SORL1: variants seen among roughly 807,000 people sequenced by gnomAD.
The protein encoded by SORL1 is sortilin related receptor 1.
Under a neutral mutation model 273.7 loss-of-function variants are expected in SORL1, and 127 were observed. The ratio of observed to expected loss-of-function variants is 0.46; its 90% CI spans 0.40 to 0.54. The LOEUF (loss-of-function observed/expected upper bound fraction) is 0.54, where lower values mean the gene tolerates loss of function less well. Ranked by LOEUF, SORL1 falls within the 20% of genes least tolerant of loss-of-function variation. The pLI is 0.00. For missense variants in SORL1, 2,494 were observed against 2,846.1 expected, an observed-to-expected ratio of 0.88 and a Z score of 2.81; for synonymous variants, 1,031 against 1,067.4, an observed-to-expected ratio of 0.97 and a Z score of 0.66.
intron 5 of SORL1, among the ~76,000 whole-genome samples, chr11:121,490,889 A>G (rs1861543206): frequency 2.0e-5 from 3 of 152,236 alleles, no homozygotes; most frequent in Admixed American, 1.3e-4. Context: ...AAGACATTTC[A>G]GGTACGTAAC....
Position 121,577,331 on chromosome 11 carries a change from A to G in SORL1, c.3511A>G (p.Ile1171Val), listed in dbSNP as rs796969055. ...DEYNCSSGMC[I>V]RSSWVCDGDN... ...GTACAACTGCAGTTCCGGCATGTGC[A>G]TCCGCTCCTCCTGGGTATGTGACGG... The change falls in exon 25 of 48, where the codon ATC (isoleucine) becomes GTC (valine). Residue 1171 changes from isoleucine (I) to valine (V), a missense_variant. Around this residue, in one of 3 missense-constraint regions of SORL1, gnomAD observed 1,609 missense variants for 1,816.4 expected, o/e 0.89. Transcript: ENST00000260197. 6.2e-6 allele frequency: 10 copies of G among 1,613,614 alleles called. No individual in the cohort carries two copies. The African/African-American group carries it at 1.3e-4, about 22-fold the overall frequency.
In SORL1 at chr11:121,596,868, T is replaced by G. The variant is rs527261553; in HGVS notation, c.4519+1096T>G. On this transcript the variant is annotated intron_variant, in intron 32 of 47. Coordinates refer to ENST00000260197, the MANE Select transcript of SORL1 (RefSeq NM_003105.6). The surrounding 1 kb of genome is among the most constrained non-coding windows in gnomAD (Gnocchi z 4.3). ...TTAAAATAATGACTTCCTCAACCAA[T>G]GAAAAACTGAGCCTCACTTGGAATC... is the stretch of plus-strand genomic sequence containing the variant. Among the ~76,000 whole-genome samples the G allele has an allele frequency of 5.1e-4, 78 of 152,154 alleles. 2 individuals carry two copies. In the South Asian group the frequency reaches 0.015, roughly 30 times the overall value.
At chr11:121,615,678 G>T (rs1863629538) in intron 41 of SORL1, among the ~76,000 whole-genome samples, 1 of 152,116 alleles carries the variant, frequency 6.6e-6, no homozygotes, top group Non-Finnish European at 1.5e-5. Flanking sequence ...CCTAGGTCTG[G>T]TCTTCTGAGG....
intron 6 of SORL1, among the ~76,000 whole-genome samples, chr11:121,509,485 A>AT (rs1296406362): frequency 1.3e-5 from 2 of 151,858 alleles, no homozygotes; most frequent in Non-Finnish European, 2.9e-5. Context: ...TTAATTATTT[A>AT]TTTTTTTTCT....
intron 14 of SORL1, among the ~76,000 whole-genome samples, chr11:121,547,319 A>T (rs1591321276): frequency 7.7e-6 from 1 of 129,348 alleles, no homozygotes; most frequent in African/African-American, 2.9e-5. Context: ...AGAAAGTCTA[A>T]CAAATCTTTG....
intron 1 of SORL1, among the ~76,000 whole-genome samples, chr11:121,459,131 A>G (rs1237995397): frequency 1.3e-5 from 2 of 152,224 alleles, no homozygotes; most frequent in Non-Finnish European, 1.5e-5. Context: ...GCTGTTCACC[A>G]TGTTCACTAG....
At chr11:121,624,811 A>G (rs920711913) in intron 45 of SORL1, among the ~76,000 whole-genome samples, 1 of 152,132 alleles carries the variant, frequency 6.6e-6, no homozygotes, top group Non-Finnish European at 1.5e-5. Context: ...CTTTGGTAAA[A>G]TGACTTTCCT....
At chr11:121,466,942 C>A (rs1171504356) in intron 1 of SORL1, among the ~76,000 whole-genome samples, 2 of 151,546 alleles carry the variant, frequency 1.3e-5, no homozygotes, top group African/African-American at 2.4e-5. Flanking sequence ...ATAAAAAAAG[C>A]TTTCCTTAAA....
At chr11:121,504,202 A>G (rs1163974760) in intron 6 of SORL1, among the ~76,000 whole-genome samples, 1 of 152,172 alleles carries the variant, frequency 6.6e-6, no homozygotes, top group Admixed American at 6.5e-5. Flanking sequence ...TCACGAGGCC[A>G]GGAGTTCGAG....
intron 24 of SORL1, among the ~76,000 whole-genome samples, chr11:121,576,451 A>G (rs908684087): frequency 6.6e-6 from 1 of 152,148 alleles, no homozygotes; most frequent in African/African-American, 2.4e-5. Flanking sequence ...TGACTTAATT[A>G]CCTCACAGGG....
Position 121,452,520 on chromosome 11 carries a change from CG to C in SORL1, c.193del (p.Asp65MetfsTer34). On this transcript the variant is annotated frameshift_variant, in exon 1 of 48. Transcript: ENST00000260197. LOFTEE classifies it high-confidence loss of function. The surrounding 1 kb of genome is among the most constrained non-coding windows in gnomAD (Gnocchi z 5.3). ...CGCGCGAGCTGCGGCTGTGGGCGCG[CG>C]GGGATGCCAGGGGGGCGAGCCGCGC... Reference protein sequence around the residue: ...DPRELRLWARGDARGASRADE... With the variant: ...DPRELRLWARXDARGASRADE... The C allele has an allele frequency of 1.4e-6, 2 of 1,478,746 alleles. No individual in the cohort carries two copies. Among genetic ancestry groups the C allele is most frequent in the South Asian group, 1.3e-5 (1 of 77,426 alleles). 91.6% of individuals were successfully genotyped at this position (1,478,746 alleles called of 1,614,324 possible).
rs1363619429 is a variant in SORL1, at chr11:121,625,074, T to C, written c.6172-11T>C. Reference sequence around the variant, plus strand: ...TCGACTTCCTGAGCAATCTCTTGTGTTTGTTTTCAGGGCTATGAGATACAC... The same window carrying C: ...TCGACTTCCTGAGCAATCTCTTGTGCTTGTTTTCAGGGCTATGAGATACAC... On this transcript the variant is annotated splice_polypyrimidine_tract_variant and intron_variant, in intron 45 of 47. Coordinates refer to ENST00000260197, the MANE Select transcript of SORL1 (RefSeq NM_003105.6). 6.3e-7 allele frequency: 1 copy of C among 1,595,544 alleles called. No individual in the cohort carries two copies. Among genetic ancestry groups the C allele is most frequent in the Non-Finnish European group, 8.6e-7 (1 of 1,166,580 alleles).
chr11:121,507,161 T>G (rs927432055), intron 6 of SORL1, among the ~76,000 whole-genome samples: 1 of 152,214 alleles, frequency 6.6e-6, no homozygotes, highest in Non-Finnish European at 1.5e-5. Context: ...ACAGTTTTAG[T>G]CTAATTGAGG....
chr11:121,600,076 C>T (rs923636702), intron 32 of SORL1, among the ~76,000 whole-genome samples: 2 of 152,098 alleles, frequency 1.3e-5, no homozygotes, highest in Non-Finnish European at 2.9e-5. Flanking sequence ...ACAGAGTTAC[C>T]CAGATAGCTT....
Position 121,591,023 on chromosome 11 carries a change from G to A in SORL1, c.4236G>A (p.Ser1412=), listed in dbSNP as rs769710239. 2.5e-6 allele frequency: 4 copies of A among 1,614,164 alleles called. No homozygotes were observed. Among genetic ancestry groups the A allele is most frequent in the African/African-American group, 1.3e-5 (1 of 75,040 alleles). Residue 1412 remains serine, a synonymous_variant, in exon 31 of 48, where the codon TCG becomes TCA. Coordinates refer to ENST00000260197, the MANE Select transcript of SORL1 (RefSeq NM_003105.6). ...DCGDSHILPF[S]TPGPSTCLPN... is the part of the protein sequence containing the mutation. ...CAGATTCACATATTCTTCCCTTCTC[G>A]ACTCCTGGGCCCTCCACGTGTCTGC...
Position 121,545,343 on chromosome 11 carries a change from C to T in SORL1, c.1965C>T (p.Thr655=). 1 of 1,614,114 alleles carries T rather than the reference C, an allele frequency of 6.2e-7. No individual in the cohort carries two copies. The highest frequency in any genetic ancestry group is 2.2e-5 in the East Asian group (1 of 44,876). Residue 655 remains threonine (T), a synonymous_variant, in exon 14 of 48, where the codon ACC becomes ACT. Coordinates refer to ENST00000260197, the MANE Select transcript of SORL1 (RefSeq NM_003105.6). ...LGHKTVFKRR[T]PHATCFNGED... ...ACAAGACTGTTTTCAAACGGCGGAC[C>T]CCCCATGCCACATGCTTCAATGGAG...
intron 6 of SORL1, among the ~76,000 whole-genome samples, chr11:121,510,411 G>C (rs999885109): frequency 3.3e-5 from 5 of 152,142 alleles, no homozygotes; most frequent in African/African-American, 1.2e-4. Context: ...TGGGGATCCA[G>C]GTTTCTGTCT....
At chr11:121,569,980 T>C (rs1184801456) in intron 22 of SORL1, among the ~76,000 whole-genome samples, 177 bp from the exon 23 acceptor site, 1 of 152,056 alleles carries the variant, frequency 6.6e-6, no homozygotes, top group Non-Finnish European at 1.5e-5. Flanking sequence ...CGGCCGACAC[T>C]TAGGGAAAAT....
At chr11:121,455,780 G>A (rs1860892687) in intron 1 of SORL1, among the ~76,000 whole-genome samples, 1 of 152,218 alleles carries the variant, frequency 6.6e-6, no homozygotes, top group South Asian at 2.1e-4. Flanking sequence ...ATCACTTGAG[G>A]TCAGGAGTTC....
Sources: allele counts gnomAD v4.1 joint callset (sites outside exome capture counted in the v4.1 genomes callset), GRCh38; gene constraint gnomAD v4.1.1; regional missense constraint gnomAD v4.1.1; non-coding constraint Gnocchi (gnomAD v3.1); transcripts MANE v1.5; gene names NCBI Gene and HGNC (gene_info 2026-07-23, HGNC 2026-07-21).